DGKH: variants seen among roughly 807,000 people sequenced by gnomAD.
The protein encoded by DGKH is diacylglycerol kinase eta.
A neutral mutation model predicts 159.3 loss-of-function variants in DGKH; 90 were observed. That is an observed-to-expected ratio of 0.57 (90% CI 0.48 to 0.67). DGKH has a LOEUF of 0.67. Ranked by LOEUF, DGKH falls within the 30% of genes least tolerant of loss-of-function variation. The pLI is 0.00. For missense variants in DGKH, 1,181 were observed against 1,506.1 expected, an observed-to-expected ratio of 0.78 and a Z score of 3.57; for synonymous variants, 536 against 553.8, an observed-to-expected ratio of 0.97 and a Z score of 0.45.
At chr13:42,163,685 C>G (rs1956247206) in intron 7 of DGKH, among the ~76,000 whole-genome samples, 1 of 152,062 alleles carries the variant, frequency 6.6e-6, no homozygotes. Context: ...TGTTCATATC[C>G]TTTGCCCACT....
At chr13:42,186,820 T>A (rs1007272071) in intron 13 of DGKH, among the ~76,000 whole-genome samples, 1 of 152,232 alleles carries the variant, frequency 6.6e-6, no homozygotes, top group Non-Finnish European at 1.5e-5. Flanking sequence ...CATTAATTAC[T>A]ATAATTTAAG....
At position 42,230,851 on chromosome 13, in the gene DGKH, A is replaced by G. The variant is rs1958273002; in HGVS notation, c.*1663A>G. 1 of 152,154 alleles carries G rather than the reference A, an allele frequency of 6.6e-6. No individual in the cohort carries two copies. The highest frequency in any genetic ancestry group is 2.1e-4 in the South Asian group (1 of 4,832). 9.4% of individuals were successfully genotyped at this position (152,154 alleles called of 1,614,324 possible). Reference sequence around the variant, plus strand: ...TTTAAAATGAACTATTGTCAGGCATATTATTTAATTACATCAAAGGAGTTT... The same window carrying G: ...TTTAAAATGAACTATTGTCAGGCATGTTATTTAATTACATCAAAGGAGTTT... On this transcript the variant is annotated 3_prime_UTR_variant, in exon 30 of 30. Transcript: ENST00000337343.
At chr13:42,064,929 G>A (rs921947659) in intron 1 of DGKH, among the ~76,000 whole-genome samples, 5 of 151,840 alleles carry the variant, frequency 3.3e-5, no homozygotes, top group Non-Finnish European at 7.4e-5. Context: ...TGAAGAACAC[G>A]AGTCCCAGTT....
chr13:42,057,608 A>G, intron 1 of DGKH, among the ~76,000 whole-genome samples: 1 of 152,014 alleles, frequency 6.6e-6, no homozygotes, highest in East Asian at 1.9e-4. Flanking sequence ...TTCTCAGTTT[A>G]CTCCTTTGTT....
rs1308338995 is a variant in DGKH at position 42,209,582 on chromosome 13, C to A, written c.2850+117C>A. The A allele has an allele frequency of 5.9e-6, 7 of 1,177,634 alleles. No homozygotes were observed. In the African/African-American group the frequency reaches 7.9e-5, roughly 13 times the overall value. 72.9% of individuals were successfully genotyped at this position (1,177,634 alleles called of 1,614,324 possible). A position where few individuals can be genotyped will look rare whatever the true frequency, so the allele number is the denominator to read the frequency against. ...TGTCTCTTAAATCTGACATTTAGGT[C>A]ATGGTGGTTTGAAATATGAACAAAT... On this transcript the variant is annotated intron_variant, in intron 23 of 29. Transcript: ENST00000337343.
intron 1 of DGKH, among the ~76,000 whole-genome samples, chr13:42,072,959 T>A (rs920287804): frequency 2.0e-5 from 3 of 152,202 alleles, no homozygotes; most frequent in African/African-American, 7.2e-5. Flanking sequence ...TAAATCCATC[T>A]TCTAATATTA....
chr13:42,141,247 G>A (rs1296390356), intron 3 of DGKH, among the ~76,000 whole-genome samples: 1 of 151,414 alleles, frequency 6.6e-6, no homozygotes, highest in East Asian at 1.9e-4. Context: ...ATTTTTTATG[G>A]CTGCATAGTA....
chr13:42,066,757 A>T (rs1368852385), intron 1 of DGKH: 2 of 152,106 alleles, frequency 1.3e-5, no homozygotes, highest in Non-Finnish European at 2.9e-5. Flanking sequence ...TTTGTTGATG[A>T]TCTCACTGTT....
At chr13:42,147,727 C>CT (rs1955774574) in intron 3 of DGKH, among the ~76,000 whole-genome samples, 2 of 152,106 alleles carry the variant, frequency 1.3e-5, no homozygotes, top group South Asian at 2.1e-4. Flanking sequence ...TTTCTGAAGT[C>CT]ACTGTGATCC....
intron 17 of DGKH, among the ~76,000 whole-genome samples, chr13:42,196,536 T>C (rs1211617910): frequency 6.6e-6 from 1 of 152,190 alleles, no homozygotes; most frequent in East Asian, 1.9e-4. Context: ...CCAAATGTAA[T>C]ATGACTGCAT....
At chr13:42,138,111 A>G in intron 3 of DGKH, 1 of 985,406 alleles carries the variant, frequency 1.0e-6, no homozygotes, top group Non-Finnish European at 1.2e-6. Context: ...GAGTTCTCAG[A>G]GCAGACTCAG....
At chr13:42,124,607 G>T (rs1299815748) in intron 1 of DGKH, among the ~76,000 whole-genome samples, 3 of 152,112 alleles carry the variant, frequency 2.0e-5, no homozygotes, top group Admixed American at 2.0e-4. Flanking sequence ...TTGGTGATGG[G>T]ATTTGCCCTG....
rs1367393333 is a variant in DGKH at position 42,159,947 on chromosome 13, T to G, written c.730-64T>G. ...CTAGAGTGAGAAATGATTCAAAATCTCCCCTGGGGTAAGGTTGGTGTCCGC... is the reference window on the plus strand; with the variant it reads ...CTAGAGTGAGAAATGATTCAAAATCGCCCCTGGGGTAAGGTTGGTGTCCGC... On this transcript the variant is annotated intron_variant, in intron 6 of 29. Coordinates refer to ENST00000337343, the MANE Select transcript of DGKH (RefSeq NM_178009.5). 13 of 1,611,030 alleles carry G rather than the reference T, an allele frequency of 8.1e-6. No homozygotes were observed. In the East Asian group the frequency reaches 2.7e-4, roughly 33 times the overall value.
intron 13 of DGKH, among the ~76,000 whole-genome samples, chr13:42,183,245 C>T (rs199519006): frequency 4.7e-4 from 71 of 151,828 alleles, no homozygotes; most frequent in East Asian, 1.4e-3. Flanking sequence ...GCTGTGATCA[C>T]GCCATTGCAC....
At chr13:42,155,251 T>C (rs761687072) in intron 3 of DGKH, 40 bp from the exon 4 acceptor site, 27 of 1,461,150 alleles carry the variant, frequency 1.8e-5, no homozygotes, top group Non-Finnish European at 2.4e-5. Flanking sequence ...ATCTTTCTCT[T>C]TGGGTATTAA....
chr13:42,077,552 C>A (rs1566089095), intron 1 of DGKH, among the ~76,000 whole-genome samples: 2 of 152,172 alleles, frequency 1.3e-5, no homozygotes, highest in Non-Finnish European at 2.9e-5. Context: ...ATACAGTTTT[C>A]TGAATATTAT....
At chr13:42,216,892 C>A (rs949439320) in intron 26 of DGKH, among the ~76,000 whole-genome samples, 1 of 152,198 alleles carries the variant, frequency 6.6e-6, no homozygotes, top group East Asian at 1.9e-4. Flanking sequence ...ACGATCATTT[C>A]TTACAACTAA....
intron 13 of DGKH, among the ~76,000 whole-genome samples, chr13:42,184,585 T>C (rs1956860002): frequency 6.6e-6 from 1 of 152,122 alleles, no homozygotes; most frequent in Non-Finnish European, 1.5e-5. Flanking sequence ...GTCTAGGCCT[T>C]ATGCAGTGGC....
chr13:42,140,630 A>C (rs558025118), intron 3 of DGKH: 2 of 152,294 alleles, frequency 1.3e-5, no homozygotes, highest in Admixed American at 1.3e-4. Flanking sequence ...TGAAGGGTTT[A>C]TTCTTCTTTT....
Sources: allele counts gnomAD v4.1 joint callset (sites outside exome capture counted in the v4.1 genomes callset), GRCh38; gene constraint gnomAD v4.1.1; transcripts MANE v1.5; gene names NCBI Gene and HGNC (gene_info 2026-07-23, HGNC 2026-07-21).